TMEM178B: variants seen among roughly 807,000 people sequenced by gnomAD.
The protein encoded by TMEM178B is transmembrane protein 178B.
Under a neutral mutation model 31.0 loss-of-function variants are expected in TMEM178B, and 5 were observed. The observed-to-expected ratio is 0.16, with a 90% confidence interval of 0.08 to 0.34. The LOEUF (loss-of-function observed/expected upper bound fraction) is 0.34, where lower values mean the gene tolerates loss of function less well. Among genes scored for constraint, TMEM178B ranks in the 10% least tolerant of loss-of-function variants. The probability of loss-of-function intolerance (pLI) is 1.00; values close to 1 mark genes in which losing one functional copy is unlikely to be tolerated. For missense variants in TMEM178B, 275 were observed against 400.3 expected (o/e 0.69, Z 2.67); for synonymous variants, 164 against 164.0 (o/e 1.00, Z 0.00).
At chr7:141,161,404 A>T (rs1049870212) in intron 1 of TMEM178B, among the ~76,000 whole-genome samples, 2 of 152,104 alleles carry the variant, frequency 1.3e-5, no homozygotes, top group Non-Finnish European at 2.9e-5. Context: ...AAGGCAGAGG[A>T]TTCTAATAAG....
intron 2 of TMEM178B, among the ~76,000 whole-genome samples, chr7:141,387,269 A>T (rs554707488): frequency 2.7e-4 from 41 of 152,362 alleles, no homozygotes; most frequent in Non-Finnish European, 1.8e-4. Flanking sequence ...TGTGTCAGAC[A>T]TCAGGCTAAA....
intron 2 of TMEM178B, 60 bp from the exon 3 acceptor site, chr7:141,437,548 A>G (rs942474032): frequency 3.7e-5 from 56 of 1,526,962 alleles, no homozygotes; most frequent in South Asian, 2.7e-4. Flanking sequence ...GGGCTGGGGT[A>G]TACCCTGGCC....
intron 1 of TMEM178B, among the ~76,000 whole-genome samples, chr7:141,152,063 C>T (rs552305776): frequency 2.0e-5 from 3 of 152,290 alleles, no homozygotes; most frequent in African/African-American, 7.2e-5. Flanking sequence ...GTGAGTTGCC[C>T]TATGCTGAGA....
intron 1 of TMEM178B, among the ~76,000 whole-genome samples, chr7:141,176,192 C>T (rs1011000926): frequency 6.6e-6 from 1 of 152,104 alleles, no homozygotes; most frequent in Admixed American, 6.5e-5. Flanking sequence ...TGTCAAAGGC[C>T]TTTTCTGCAT....
intron 1 of TMEM178B, among the ~76,000 whole-genome samples, chr7:141,093,718 C>A (rs1794914661): frequency 6.6e-6 from 1 of 152,182 alleles, no homozygotes; most frequent in South Asian, 2.1e-4. Flanking sequence ...GTTAAGAGAA[C>A]ATTCGGGAAA....
chr7:141,384,833 TG>T (rs1041542361), intron 2 of TMEM178B, among the ~76,000 whole-genome samples: 2 of 152,184 alleles, frequency 1.3e-5, no homozygotes, highest in East Asian at 3.9e-4. Context: ...TATATTGTAT[TG>T]AAATCTGTTC....
intron 1 of TMEM178B, among the ~76,000 whole-genome samples, chr7:141,079,456 T>G (rs1478969018): frequency 6.6e-6 from 1 of 152,180 alleles, no homozygotes; most frequent in Non-Finnish European, 1.5e-5. Flanking sequence ...CTATAGCCTC[T>G]AAAAGAACCA....
rs1161054379 is a variant in TMEM178B, at chr7:141,472,416, A to G, written c.*1630A>G. ...CTCGGGCTCATTTGAGCAAATTAGC[A>G]CTGCAGGTGCTGGCAAGCAAAGTCA... On this transcript the variant is annotated 3_prime_UTR_variant, in exon 4 of 4. Coordinates refer to ENST00000565468, the MANE Select transcript of TMEM178B (RefSeq NM_001195278.2). 6.6e-6 allele frequency: 1 copy of G among 152,152 alleles called. No homozygotes were observed. Among genetic ancestry groups the G allele is most frequent in the Non-Finnish European group, 1.5e-5 (1 of 68,050 alleles). 9.4% of individuals were successfully genotyped at this position (152,152 alleles called of 1,614,324 possible). A position where few individuals can be genotyped will look rare whatever the true frequency, so the allele number is the denominator to read the frequency against.
intron 1 of TMEM178B, among the ~76,000 whole-genome samples, chr7:141,095,287 A>G (rs554269040): frequency 5.9e-5 from 9 of 152,290 alleles, no homozygotes; most frequent in East Asian, 3.9e-4. Context: ...GTGGGATACT[A>G]GTTTCCAATT....
intron 3 of TMEM178B, among the ~76,000 whole-genome samples, chr7:141,464,051 T>C (rs1802107124): frequency 6.6e-6 from 1 of 152,172 alleles, no homozygotes; most frequent in South Asian, 2.1e-4. Flanking sequence ...TGAGAAATGA[T>C]GGAAGCATGA....
intron 1 of TMEM178B, among the ~76,000 whole-genome samples, chr7:141,175,628 G>T (rs200092954): frequency 1.3e-5 from 2 of 152,172 alleles, no homozygotes; most frequent in Non-Finnish European, 2.9e-5. Flanking sequence ...TGTGTCCTCT[G>T]TTATTTCGTT....
intron 2 of TMEM178B, among the ~76,000 whole-genome samples, chr7:141,277,691 A>G (rs935579212): frequency 1.3e-5 from 2 of 152,054 alleles, no homozygotes; most frequent in Non-Finnish European, 2.9e-5. Context: ...TGTTGGCTGA[A>G]ATGTCGTTTT....
At chr7:141,484,896 C>A (rs1357208193), downstream of TMEM178B, among the ~76,000 whole-genome samples, 1 of 151,720 alleles carries the variant, frequency 6.6e-6, no homozygotes, top group Non-Finnish European at 1.5e-5. This position sits in a 1 kb window ranked among gnomAD's most constrained non-coding sequence, Gnocchi z 4.8. Context: ...TCACATAGGA[C>A]TTCAAAAGAC....
intron 2 of TMEM178B, among the ~76,000 whole-genome samples, chr7:141,292,241 C>A (rs111519008): frequency 6.6e-6 from 1 of 152,206 alleles, no homozygotes; most frequent in Non-Finnish European, 1.5e-5. Context: ...GCATATGGAG[C>A]ACAGCTGCAA....
intron 2 of TMEM178B, among the ~76,000 whole-genome samples, chr7:141,362,408 C>T (rs1459549292): frequency 1.3e-5 from 2 of 152,216 alleles, no homozygotes; most frequent in African/African-American, 4.8e-5. Context: ...CTGATCATCT[C>T]TCATGCTTCA....
intron 1 of TMEM178B, among the ~76,000 whole-genome samples, chr7:141,177,607 G>T (rs938472446): frequency 6.6e-6 from 1 of 152,154 alleles, no homozygotes; most frequent in Non-Finnish European, 1.5e-5. Flanking sequence ...CTAAGAACTT[G>T]CTTTATGAAT....
intron 2 of TMEM178B, among the ~76,000 whole-genome samples, chr7:141,375,885 A>G (rs1027975973): frequency 6.6e-6 from 1 of 152,178 alleles, no homozygotes; most frequent in African/African-American, 2.4e-5. Context: ...TGAACAACAG[A>G]AGGAGACAGG....
intron 3 of TMEM178B, among the ~76,000 whole-genome samples, chr7:141,444,213 T>C (rs570360878): frequency 1.3e-5 from 2 of 152,200 alleles, no homozygotes; most frequent in Non-Finnish European, 2.9e-5. Context: ...TTGTTCACTG[T>C]CTCTCTCCCT....
intron 2 of TMEM178B, among the ~76,000 whole-genome samples, chr7:141,349,995 C>CCATGCATG (rs1481437493): frequency 5.3e-5 from 8 of 151,372 alleles, no homozygotes; most frequent in African/African-American, 1.9e-4. Context: ...ATCCATCCAT[C>CCATGCATG]CATGCATGCA....
Sources: allele counts gnomAD v4.1 joint callset (sites outside exome capture counted in the v4.1 genomes callset), GRCh38; gene constraint gnomAD v4.1.1; non-coding constraint Gnocchi (gnomAD v3.1); transcripts MANE v1.5; gene names NCBI Gene and HGNC (gene_info 2026-07-23, HGNC 2026-07-21).